The following SENP7 variants were observed in gnomAD, a reference collection of about 807,000 sequenced individuals.
The protein encoded by SENP7 is sentrin-specific protease 7.
In SENP7, 64 loss-of-function variants were observed where a neutral mutation model predicts 141.2. That is an observed-to-expected ratio of 0.45 (90% CI 0.37 to 0.56). SENP7 has a LOEUF of 0.56. Among genes scored for constraint, SENP7 ranks in the 20% least tolerant of loss-of-function variants. The probability of loss-of-function intolerance (pLI) is 0.00; values close to 1 mark genes in which losing one functional copy is unlikely to be tolerated. For synonymous variants in SENP7, 382 were observed against 426.4 expected (o/e 0.90, Z 1.28); for missense variants, 1,025 against 1,212.2 (o/e 0.85, Z 2.29).
At chr3:101,451,021 T>C (rs548122211) in intron 4 of SENP7, among the ~76,000 whole-genome samples, 1 of 151,902 alleles carries the variant, frequency 6.6e-6, no homozygotes, top group African/African-American at 2.4e-5. Flanking sequence ...CAATAAAAAA[T>C]CATAAAGGGG....
intron 3 of SENP7, among the ~76,000 whole-genome samples, chr3:101,464,374 T>C (rs541005239): frequency 6.6e-6 from 1 of 152,140 alleles, no homozygotes; most frequent in South Asian, 2.1e-4. Flanking sequence ...CAGCAGGAGG[T>C]GAGCGGCAAG....
intron 5 of SENP7, among the ~76,000 whole-genome samples, chr3:101,410,186 GCT>G (rs2061415370): frequency 1.3e-5 from 2 of 152,146 alleles, no homozygotes. Flanking sequence ...ATGAAAAAGT[GCT>G]CAACATCACA....
At chr3:101,399,088 C>T (rs2061057638) in intron 5 of SENP7, 33 bp from the exon 6 acceptor site, 1 of 1,352,604 alleles carries the variant, frequency 7.4e-7, no homozygotes, top group African/African-American at 1.5e-5. Context: ...CTGTACTGTA[C>T]TGAAGTTTTC....
chr3:101,357,670 G>A, intron 11 of SENP7: 1 of 749,740 alleles, frequency 1.3e-6, no homozygotes, highest in Non-Finnish European at 2.4e-6. Flanking sequence ...CAACTACCCA[G>A]AGAAAAATAT....
chr3:101,391,282 G>A (rs1178989404), intron 6 of SENP7, among the ~76,000 whole-genome samples: 2 of 150,656 alleles, frequency 1.3e-5, no homozygotes, highest in East Asian at 3.9e-4. Context: ...AAAATTAAAA[G>A]GATCAACATA....
intron 6 of SENP7, among the ~76,000 whole-genome samples, chr3:101,393,739 G>C (rs2107554185): frequency 6.6e-6 from 1 of 152,308 alleles, no homozygotes; most frequent in East Asian, 1.9e-4. Context: ...AGACTGGGTG[G>C]CTACATCTGG....
At chr3:101,464,155 G>A (rs1251347672) in intron 3 of SENP7, among the ~76,000 whole-genome samples, 1 of 152,110 alleles carries the variant, frequency 6.6e-6, no homozygotes, top group Non-Finnish European at 1.5e-5. Context: ...CTATTATACT[G>A]TTCTCTGAGA....
intron 6 of SENP7, among the ~76,000 whole-genome samples, chr3:101,376,209 G>C (rs1221571933): frequency 6.6e-6 from 1 of 152,130 alleles, no homozygotes; most frequent in Non-Finnish European, 1.5e-5. Context: ...GGGAAAAATA[G>C]GGAGTTAGAG....
chr3:101,420,224 C>T (rs990117172), intron 4 of SENP7, among the ~76,000 whole-genome samples: 19 of 152,080 alleles, frequency 1.2e-4, no homozygotes, highest in Non-Finnish European at 2.8e-4. Flanking sequence ...AAAAATTAGC[C>T]GGGCATGGTG....
At chr3:101,511,637 C>T (rs1292713369) in intron 1 of SENP7, among the ~76,000 whole-genome samples, 1 of 152,140 alleles carries the variant, frequency 6.6e-6, no homozygotes, top group African/African-American at 2.4e-5. Context: ...CCAGAATATA[C>T]ACCAAGAACA....
At chr3:101,507,060 C>CAAAGAA (rs2065649774) in intron 1 of SENP7, among the ~76,000 whole-genome samples, 1 of 89,058 alleles carries the variant, frequency 1.1e-5, no homozygotes, top group African/African-American at 4.6e-5. Context: ...GATCCCATCT[C>CAAAGAA]AAAAAAAAAA....
At chr3:101,469,137 G>C (rs751314935) in intron 3 of SENP7, among the ~76,000 whole-genome samples, 8 of 152,090 alleles carry the variant, frequency 5.3e-5, no homozygotes, top group Non-Finnish European at 1.0e-4. Flanking sequence ...TAATGGTAAA[G>C]GGATCAATTC....
At chr3:101,481,982 T>C (rs1466151694) in intron 3 of SENP7, among the ~76,000 whole-genome samples, 2 of 152,072 alleles carry the variant, frequency 1.3e-5, no homozygotes, top group Non-Finnish European at 2.9e-5. Context: ...AATTTGAAAT[T>C]AAAAACACAA....
intron 11 of SENP7, chr3:101,358,050 C>A: frequency 1.5e-6 from 1 of 654,404 alleles, no homozygotes; most frequent in South Asian, 1.7e-5. Flanking sequence ...ATTTCATCCT[C>A]AACCCTTATT....
intron 12 of SENP7, among the ~76,000 whole-genome samples, chr3:101,348,310 C>T (rs1028758606): frequency 6.6e-6 from 1 of 152,012 alleles, no homozygotes; most frequent in African/African-American, 2.4e-5. Context: ...GAGATTGAAT[C>T]TCTCACATTA....
At chr3:101,351,466 C>T (rs373872612) in intron 12 of SENP7, 152 bp downstream of exon 12, 24 of 521,310 alleles carry the variant, frequency 4.6e-5, no homozygotes, top group Non-Finnish European at 6.1e-5. Context: ...CAATAGCATA[C>T]GATTTTCAGA....
intron 23 of SENP7, 42 bp downstream of exon 23, chr3:101,327,624 G>A: frequency 6.6e-7 from 1 of 1,507,866 alleles, no homozygotes; most frequent in Non-Finnish European, 9.0e-7. Flanking sequence ...TGACCGTATG[G>A]TGGTAACTGT....
Position 101,366,787 on chromosome 3 carries a change from G to C in SENP7, c.979-18C>G. The C allele has an allele frequency of 6.7e-7, 1 of 1,489,824 alleles. No homozygotes were observed. Among genetic ancestry groups the C allele is most frequent in the Non-Finnish European group, 9.0e-7 (1 of 1,109,740 alleles). The allele number at this position is 1,489,824 out of a possible 1,614,324, so 92.3% of individuals were successfully genotyped here. On this transcript the variant is annotated intron_variant, in intron 8 of 23. Coordinates refer to ENST00000394095, the MANE Select transcript of SENP7 (RefSeq NM_020654.5). ...TGTTTTTTCTAAACATAAACACATA[G>C]AAAAAAATAGCATTTTTCAAATTTG...
intron 20 of SENP7, among the ~76,000 whole-genome samples, chr3:101,329,658 C>G (rs894857803): frequency 1.3e-5 from 2 of 151,580 alleles, no homozygotes; most frequent in African/African-American, 4.8e-5. Context: ...AATTTTCTGG[C>G]CGGGCTCGGT....
Sources: allele counts gnomAD v4.1 joint callset (sites outside exome capture counted in the v4.1 genomes callset), GRCh38; gene constraint gnomAD v4.1.1; transcripts MANE v1.5; gene names NCBI Gene and HGNC (gene_info 2026-07-23, HGNC 2026-07-21).